The following MARCHF1 variants were observed in gnomAD, a reference collection of about 807,000 sequenced individuals.
MARCHF1 encodes the protein membrane associated ring-CH-type finger 1.
MARCHF1 carries 40 observed loss-of-function variants against 54.2 expected under a neutral mutation model. The observed-to-expected ratio is 0.74, with a 90% confidence interval of 0.57 to 0.96. The LOEUF is 0.96. Ranked by LOEUF, MARCHF1 falls within the 40% of genes least tolerant of loss-of-function variation. MARCHF1 has a pLI of 0.00. For missense variants in MARCHF1, 586 were observed against 656.5 expected (o/e 0.89, Z 1.17); for synonymous variants, 236 against 236.3 (o/e 1.00, Z 0.01).
In MARCHF1 at chr4:163,594,189, G is replaced by A. The variant is rs955954372; in HGVS notation, c.1011-8260C>T. On this transcript the variant is annotated intron_variant, in intron 7 of 9. Coordinates refer to ENST00000514618, the MANE Select transcript of MARCHF1 (RefSeq NM_001394959.1). ...GAATTGAAGCTGGGGTAGAATTATG[G>A]CAGATGGAGAAGGATGTTGGTAGAA... 2.6e-5 allele frequency among the ~76,000 whole-genome samples: 4 copies of A among 152,012 alleles called. No homozygotes were observed. In the East Asian group the frequency reaches 5.8e-4, roughly 22 times the overall value.
At chr4:163,869,654 A>G (rs1044694521) in intron 3 of MARCHF1, among the ~76,000 whole-genome samples, 2 of 152,104 alleles carry the variant, frequency 1.3e-5, no homozygotes, top group African/African-American at 4.8e-5. Context: ...CAAGCAGTTT[A>G]CCCTTTAAAG....
At position 163,528,828 on chromosome 4, in the gene MARCHF1, C is replaced by T. The variant is rs1738239875; in HGVS notation, c.1558G>A (p.Val520Met). 6.2e-7 allele frequency: 1 copy of T among 1,613,236 alleles called. No individual in the cohort carries two copies. Among genetic ancestry groups the T allele is most frequent in the Non-Finnish European group, 8.5e-7 (1 of 1,179,552 alleles). ...CNVNTDIKDA[V>M]VVPVPQTGAN... is the part of the protein sequence containing the mutation. ...CCTGTTTGTGGTACAGGCACTACCA[C>T]AGCATCTTTGATGTCTGTGTTTACA... The change falls in exon 10 of 10, where the codon GTG becomes ATG. Residue 520 changes from valine to methionine, a missense_variant. This residue lies in a region of MARCHF1 where 106 missense variants were observed against 93.8 expected (regional missense o/e 1.13). Coordinates refer to ENST00000514618, the MANE Select transcript of MARCHF1 (RefSeq NM_001394959.1).
chr4:164,231,619 A>G (rs1324649374), intron 1 of MARCHF1, among the ~76,000 whole-genome samples: 1 of 152,144 alleles, frequency 6.6e-6, no homozygotes, highest in African/African-American at 2.4e-5. Flanking sequence ...GAGTATAGAC[A>G]TTTTGATACG....
chr4:164,193,002 C>A (rs1026102877), intron 1 of MARCHF1, among the ~76,000 whole-genome samples: 1 of 152,166 alleles, frequency 6.6e-6, no homozygotes, highest in Non-Finnish European at 1.5e-5. Flanking sequence ...GCTCTTGTTG[C>A]CAAATGCCTA....
intron 3 of MARCHF1, among the ~76,000 whole-genome samples, chr4:163,859,510 C>T (rs1383473510): frequency 6.6e-6 from 1 of 151,988 alleles, no homozygotes; most frequent in East Asian, 1.9e-4. Context: ...CAGGTGCCTG[C>T]CACCACACCC....
At chr4:163,871,660 G>A (rs1007501864) in intron 3 of MARCHF1, among the ~76,000 whole-genome samples, 5 of 152,032 alleles carry the variant, frequency 3.3e-5, no homozygotes, top group Admixed American at 2.0e-4. Flanking sequence ...ATGACTCTAT[G>A]ATACCAGACG....
chr4:163,631,242 G>C (rs1344161167), intron 5 of MARCHF1, among the ~76,000 whole-genome samples: 1 of 152,002 alleles, frequency 6.6e-6, no homozygotes, highest in Non-Finnish European at 1.5e-5. Context: ...TTCTAGACTG[G>C]AGTGCAGTGG....
rs11363041 is a variant in MARCHF1 at position 163,572,319 on chromosome 4, CTT to C, written c.1191+13428_1191+13429del. 8.7e-4 allele frequency among the ~76,000 whole-genome samples: 125 copies of C among 144,050 alleles called. 1 individual carries two copies. The highest frequency in any genetic ancestry group is 3.0e-3 in the East Asian group (15 of 4,948). 94.5% of individuals were successfully genotyped at this position (144,050 alleles called of 152,430 possible). ...ATTTGAATGTTAGGTCTCTTTCTTC[CTT>C]TTTTTTTTTTTTTAAATAAATTGAT... On this transcript the variant is annotated intron_variant, in intron 8 of 9. Coordinates refer to ENST00000514618, the MANE Select transcript of MARCHF1 (RefSeq NM_001394959.1).
chr4:163,607,109 C>A (rs1741170116), intron 7 of MARCHF1, among the ~76,000 whole-genome samples: 1 of 152,088 alleles, frequency 6.6e-6, no homozygotes, highest in Non-Finnish European at 1.5e-5. Flanking sequence ...GAGAGAACCA[C>A]ATTGTTTCTG....
chr4:163,557,241 C>G (rs1025084650), intron 8 of MARCHF1, among the ~76,000 whole-genome samples: 5 of 152,190 alleles, frequency 3.3e-5, no homozygotes, highest in Admixed American at 3.3e-4. Flanking sequence ...AATGTTGATT[C>G]TCATCCTACT....
intron 8 of MARCHF1, among the ~76,000 whole-genome samples, chr4:163,575,132 G>GT (rs1452515987): frequency 6.6e-6 from 1 of 151,928 alleles, no homozygotes; most frequent in Admixed American, 6.6e-5. Context: ...TCCAGCTTTT[G>GT]TCCATTAAGT....
chr4:164,045,978 G>T (rs537827758), intron 2 of MARCHF1, among the ~76,000 whole-genome samples: 4 of 152,178 alleles, frequency 2.6e-5, no homozygotes, highest in African/African-American at 9.7e-5. Context: ...GAAGACACAA[G>T]ATTCCTAAAT....
At chr4:163,984,469 G>A (rs17474982) in intron 3 of MARCHF1, among the ~76,000 whole-genome samples, 1,922 of 152,202 alleles carry the variant, frequency 0.013, 13 homozygotes, top group Middle Eastern at 0.031. Flanking sequence ...TCAGTGTGTT[G>A]TGAAAGAATA....
At chr4:163,889,283 T>C (rs1750603697) in intron 3 of MARCHF1, among the ~76,000 whole-genome samples, 1 of 152,172 alleles carries the variant, frequency 6.6e-6, no homozygotes, top group Admixed American at 6.5e-5. Flanking sequence ...ACAAAGTAGA[T>C]ATTCTTTTCA....
chr4:163,594,759 AACACACACACAC>A (rs3080975), intron 7 of MARCHF1, among the ~76,000 whole-genome samples: 37 of 65,696 alleles, frequency 5.6e-4, no homozygotes, highest in Non-Finnish European at 1.4e-3. Context: ...TCAAAACACA[AACACACACACAC>A]ACACACACAC....
intron 1 of MARCHF1, among the ~76,000 whole-genome samples, chr4:164,248,308 A>G (rs1200818599): frequency 1.3e-5 from 2 of 152,088 alleles, no homozygotes; most frequent in African/African-American, 4.8e-5. Flanking sequence ...GAATTTAATT[A>G]AAAAATCAAA....
intron 2 of MARCHF1, among the ~76,000 whole-genome samples, chr4:164,039,913 TA>T (rs1272966552): frequency 6.7e-6 from 1 of 149,904 alleles, no homozygotes; most frequent in Admixed American, 6.7e-5. Flanking sequence ...CAAAGTAAAA[TA>T]GGCCAAGAAA....
At chr4:164,013,641 GA>G in intron 2 of MARCHF1, among the ~76,000 whole-genome samples, 1 of 152,198 alleles carries the variant, frequency 6.6e-6, no homozygotes, top group Non-Finnish European at 1.5e-5. Flanking sequence ...AGCAGCAAGA[GA>G]AAAGAAGCAA....
At chr4:164,327,090 TTGAG>T (rs1381371047) in intron 1 of MARCHF1, among the ~76,000 whole-genome samples, 1 of 151,930 alleles carries the variant, frequency 6.6e-6, no homozygotes, top group East Asian at 1.9e-4. Context: ...AATATATTTA[TTGAG>T]TGTCTACTAT....
Sources: gnomAD v4.1 joint callset for allele counts (sites outside exome capture counted in the v4.1 genomes callset) on GRCh38, gnomAD v4.1.1 for gene constraint, gnomAD v4.1.1 regional missense constraint, MANE v1.5 for transcripts, NCBI Gene and HGNC (gene_info 2026-07-23, HGNC 2026-07-21) for gene names.